The following AKAP11 variants were observed in gnomAD, a reference collection of about 807,000 sequenced individuals.
The protein encoded by AKAP11 is A-kinase anchoring protein 11, also known as A-kinase anchor protein 11.
Under a neutral mutation model 146.1 loss-of-function variants are expected in AKAP11, and 36 were observed. That is an observed-to-expected ratio of 0.25 (90% CI 0.19 to 0.33). AKAP11 has a LOEUF of 0.33. Among genes scored for constraint, AKAP11 ranks in the 10% least tolerant of loss-of-function variants. The pLI is 1.00. For synonymous variants in AKAP11, 780 were observed against 786.5 expected (o/e 0.99, Z 0.14); for missense variants, 2,201 against 2,197.0 (o/e 1.00, Z -0.04).
At chr13:42,309,164 A>G (rs968337691) in intron 9 of AKAP11, among the ~76,000 whole-genome samples, 2 of 152,190 alleles carry the variant, frequency 1.3e-5, no homozygotes, top group African/African-American at 4.8e-5. Flanking sequence ...CACTTACCTC[A>G]TATATAACTT....
In AKAP11 at chr13:42,301,826, C is replaced by T. The variant is rs746355019; in HGVS notation, c.3080C>T (p.Pro1027Leu). Residue 1027 changes from proline (P) to leucine (L), a missense_variant, in exon 8 of 13, where the codon CCA becomes CTA. Transcript: ENST00000025301. ...TCCCTAGAGACACTGCCATCTTGTC[C>T]AGCTGTGACAGGTCAGAAATCTGAC... ...GSSLETLPSC[P>L]AVTGQKSDLK... 13 of 1,614,144 alleles carry T rather than the reference C, an allele frequency of 8.1e-6. No individual in the cohort carries two copies. Among genetic ancestry groups the T allele is most frequent in the Non-Finnish European group, 9.3e-6 (11 of 1,180,004 alleles).
rs1961112730 is a variant in AKAP11, at chr13:42,322,152, A to G, written c.*2924A>G. The G allele has an allele frequency of 6.6e-6, 1 of 152,304 alleles. No homozygotes were observed. Among genetic ancestry groups the G allele is most frequent in the African/African-American group, 2.4e-5 (1 of 41,452 alleles). The allele number at this position is 152,304 out of a possible 1,614,324, so 9.4% of individuals were successfully genotyped here. A position where few individuals can be genotyped will look rare whatever the true frequency, so the allele number is the denominator to read the frequency against. The stretch of plus-strand genomic sequence containing the variant: ...TGTTATAAAACCTTTAAGAGGATTC[A>G]TGGTGAATATATGTGATAACATCTT... On this transcript the variant is annotated 3_prime_UTR_variant, in exon 13 of 13. Coordinates refer to ENST00000025301, the MANE Select transcript of AKAP11 (RefSeq NM_016248.4).
chr13:42,299,577 C>A lies in AKAP11; in HGVS notation c.831C>A (p.Thr277=). Residue 277 remains threonine, a synonymous_variant, in exon 8 of 13, where the codon ACC becomes ACA. Coordinates refer to ENST00000025301, the MANE Select transcript of AKAP11 (RefSeq NM_016248.4). ...CAACATCAATTTCAGAGCCTTGGAC[C>A]CAAAGGAGTTTCTATAGGTCATCTA... is the stretch of plus-strand genomic sequence containing the variant. ...SVTTSISEPW[T]QRSFYRSSNA... 3.1e-6 allele frequency: 5 copies of A among 1,613,876 alleles called. No homozygotes were observed. The highest frequency in any genetic ancestry group is 4.2e-6 in the Non-Finnish European group (5 of 1,179,876).
At chr13:42,305,975 CTG>C (rs2138639761) in intron 8 of AKAP11, among the ~76,000 whole-genome samples, 1 of 152,278 alleles carries the variant, frequency 6.6e-6, no homozygotes, top group Non-Finnish European at 1.5e-5. Context: ...AACTCCCTCA[CTG>C]TCATGAGAAC....
chr13:42,298,797 GGTTT>G lies in AKAP11; in HGVS notation c.616+5_616+8del, dbSNP rs749011576. 6.5e-7 allele frequency: 1 copy of G among 1,542,268 alleles called. No homozygotes were observed. The highest frequency in any genetic ancestry group is 8.6e-7 in the Non-Finnish European group (1 of 1,157,472). On this transcript the variant is annotated splice_donor_variant and splice_donor_region_variant and intron_variant, in intron 7 of 12. Coordinates refer to ENST00000025301, the MANE Select transcript of AKAP11 (RefSeq NM_016248.4). LOFTEE classifies it high-confidence loss of function. ...AGAGACTTCAAAGCCATACAATGAT[GGTTT>G]GTTTTTCATTAGACTTTTTCCTAAA...
At chr13:42,308,011 T>C (rs1960357451) in intron 8 of AKAP11, among the ~76,000 whole-genome samples, 1 of 152,244 alleles carries the variant, frequency 6.6e-6, no homozygotes, top group African/African-American at 2.4e-5. Flanking sequence ...TTAGTTTGAA[T>C]ACAGGCTTGG....
intron 12 of AKAP11, 138 bp downstream of exon 12, chr13:42,317,826 G>A: frequency 5.3e-6 from 5 of 934,914 alleles, no homozygotes; most frequent in Non-Finnish European, 7.7e-6. Context: ...TCAGACATCA[G>A]CTCTGCCACT....
rs1367445928 is a variant in AKAP11, at chr13:42,300,047, C to T, written c.1301C>T (p.Pro434Leu). 6.2e-7 allele frequency: 1 copy of T among 1,613,930 alleles called. No homozygotes were observed. The highest frequency in any genetic ancestry group is 8.5e-7 in the Non-Finnish European group (1 of 1,179,824). Residue 434 changes from proline to leucine, a missense_variant, in exon 8 of 13, where the codon CCT becomes CTT. Pro to Leu is a moderately conservative substitution (Grantham distance 98). Coordinates refer to ENST00000025301, the MANE Select transcript of AKAP11 (RefSeq NM_016248.4). ...YGNLCDAPDS[P>L]RPVKASREDS... ...AACCTGTGTGATGCTCCGGATTCTC[C>T]TCGCCCAGTGAAGGCATCAAGGGAA...
chr13:42,300,133 C>T lies in AKAP11; in HGVS notation c.1387C>T (p.Pro463Ser), dbSNP rs1594332331. The T allele has an allele frequency of 6.2e-7, 1 of 1,613,886 alleles. No individual in the cohort carries two copies. Residue 463 changes from proline (P) to serine (S), a missense_variant, in exon 8 of 13, where the codon CCA (proline) becomes TCA (serine). Pro to Ser is a moderately conservative substitution (Grantham distance 74). This residue lies in a region of AKAP11 where 1,867 missense variants were observed against 1,833.5 expected (regional missense o/e 1.02). Transcript: ENST00000025301. ...TTTTAGTCCTCTTGGAGGCTGTACT[C>T]CAGCTGAATGTTTTTGCCAAACAGA... Reference protein sequence around the residue: ...SAFSPLGGCTPAECFCQTDIG... With the variant: ...SAFSPLGGCTSAECFCQTDIG...
rs1299734448 is a variant in AKAP11 at position 42,319,827 on chromosome 13, A to G, written c.*599A>G. 1 of 152,478 alleles carries G rather than the reference A, an allele frequency of 6.6e-6. No homozygotes were observed. The highest frequency in any genetic ancestry group is 1.5e-5 in the Non-Finnish European group (1 of 68,108). The allele number at this position is 152,478 out of a possible 1,614,324, so 9.4% of individuals were successfully genotyped here. ...AGAAACATTAGTATTTTAGGTTTCT[A>G]TAAACACTATAAGTGATAGTTTCCC... On this transcript the variant is annotated 3_prime_UTR_variant, in exon 13 of 13. Coordinates refer to ENST00000025301, the MANE Select transcript of AKAP11 (RefSeq NM_016248.4).
At chr13:42,274,950 G>A (rs978104605) in intron 1 of AKAP11, among the ~76,000 whole-genome samples, 4 of 152,294 alleles carry the variant, frequency 2.6e-5, no homozygotes, top group South Asian at 4.1e-4. Context: ...TTAGTGCGAA[G>A]CACATAGTAG....
At position 42,321,119 on chromosome 13, in the gene AKAP11, T is replaced by G. The variant is rs75417951; in HGVS notation, c.*1891T>G. The G allele has an allele frequency of 5.6e-3, 851 of 152,446 alleles. 9 individuals carry two copies. Among genetic ancestry groups the G allele is most frequent in the African/African-American group, 0.019 (782 of 41,558 alleles). 9.4% of individuals were successfully genotyped at this position (152,446 alleles called of 1,614,324 possible). ...GACTAGGAATGTTTGCTCTTGTTAA[T>G]TATGAATTAATTGATTATTAAGTTT... is the stretch of plus-strand genomic sequence containing the variant. On this transcript the variant is annotated 3_prime_UTR_variant, in exon 13 of 13. Transcript: ENST00000025301.
intron 6 of AKAP11, among the ~76,000 whole-genome samples, chr13:42,297,994 G>A (rs1959615730): frequency 6.6e-6 from 1 of 151,750 alleles, no homozygotes; most frequent in African/African-American, 2.4e-5. Context: ...AGTAGTATGA[G>A]GGGGAAAATC....
At position 42,320,981 on chromosome 13, in the gene AKAP11, A is replaced by G. The variant is rs897800167; in HGVS notation, c.*1753A>G. On this transcript the variant is annotated 3_prime_UTR_variant, in exon 13 of 13. Transcript: ENST00000025301. ...TATAAAGTTTCCTAAAGTTTCTTCA[A>G]GTATTTTTTAAGGTGGAGAAATGCA... The G allele has an allele frequency of 6.6e-6, 1 of 152,352 alleles. No homozygotes were observed. Among genetic ancestry groups the G allele is most frequent in the Non-Finnish European group, 1.5e-5 (1 of 68,036 alleles). 9.4% of individuals were successfully genotyped at this position (152,352 alleles called of 1,614,324 possible). A position where few individuals can be genotyped will look rare whatever the true frequency, so the allele number is the denominator to read the frequency against.
At chr13:42,316,097 A>G (rs1379457992) in intron 11 of AKAP11, among the ~76,000 whole-genome samples, 2 of 152,168 alleles carry the variant, frequency 1.3e-5, no homozygotes, top group East Asian at 3.9e-4. Flanking sequence ...GGTATGCCAA[A>G]CCTATTTTTG....
At chr13:42,286,767 G>T (rs1237340151) in intron 3 of AKAP11, among the ~76,000 whole-genome samples, 1 of 152,174 alleles carries the variant, frequency 6.6e-6, no homozygotes, top group Non-Finnish European at 1.5e-5. Context: ...TATGTTAGAT[G>T]TTGGGTAATC....
chr13:42,311,631 G>A (rs887639869), intron 9 of AKAP11, among the ~76,000 whole-genome samples: 1 of 151,872 alleles, frequency 6.6e-6, no homozygotes, highest in African/African-American at 2.4e-5. Context: ...GGTAGGTGAT[G>A]GATTTTATTA....
chr13:42,281,885 A>G (rs1277163552), intron 1 of AKAP11, among the ~76,000 whole-genome samples: 1 of 152,124 alleles, frequency 6.6e-6, no homozygotes, highest in Non-Finnish European at 1.5e-5. Context: ...GACCACTGGC[A>G]TCAGTTTAGT....
chr13:42,320,269 TTTTGTTTGTTTG>T lies in AKAP11; in HGVS notation c.*1053_*1064del, dbSNP rs141184519. On this transcript the variant is annotated 3_prime_UTR_variant, in exon 13 of 13. Coordinates refer to ENST00000025301, the MANE Select transcript of AKAP11 (RefSeq NM_016248.4). ...ACCTCTACCAAGAATGTGGTGTTTT[TTTTGTTTGTTTG>T]TTTGTTTGTTTTAGAAAAATTGGGA... The T allele has an allele frequency of 6.7e-6, 1 of 149,690 alleles. No individual in the cohort carries two copies. The highest frequency in any genetic ancestry group is 2.0e-4 in the East Asian group (1 of 4,970). 9.3% of individuals were successfully genotyped at this position (149,690 alleles called of 1,614,324 possible).
Sources: allele counts gnomAD v4.1 joint callset (sites outside exome capture counted in the v4.1 genomes callset), GRCh38; gene constraint gnomAD v4.1.1; regional missense constraint gnomAD v4.1.1; transcripts MANE v1.5; gene names NCBI Gene and HGNC (gene_info 2026-07-23, HGNC 2026-07-21).